The following CKMT2 variants were observed in gnomAD, a reference collection of about 807,000 sequenced individuals.
CKMT2 encodes the protein creatine kinase, mitochondrial 2.
In CKMT2, 43 loss-of-function variants were observed where a neutral mutation model predicts 48.9. The observed-to-expected ratio is 0.88, with a 90% confidence interval of 0.69 to 1.13. The LOEUF is 1.13. Among genes scored for constraint, CKMT2 ranks in the 50% most tolerant of loss-of-function variants. The pLI is 0.00. For synonymous variants in CKMT2, 206 were observed against 213.0 expected (o/e 0.97, Z 0.29); for missense variants, 472 against 555.4 (o/e 0.85, Z 1.51).
chr5:81,252,718 A>C lies in CKMT2; in HGVS notation c.176A>C (p.Lys59Thr). 1 of 1,614,162 alleles carries C rather than the reference A, an allele frequency of 6.2e-7. No individual in the cohort carries two copies. The highest frequency in any genetic ancestry group is 1.3e-5 in the African/African-American group (1 of 75,050). Reference sequence around the variant, plus strand: ...AGCGCAGACTACCCAGACCTGCGCAAGCACAACAACTGCATGGCCGAGTGC... The same window carrying C: ...AGCGCAGACTACCCAGACCTGCGCACGCACAACAACTGCATGGCCGAGTGC... ...PPSADYPDLR[K>T]HNNCMAECLT... The change falls in exon 3 of 10, where the codon AAG (lysine) becomes ACG (threonine). Residue 59 changes from lysine to threonine, a missense_variant. Physicochemically the swap from Lys to Thr is moderately conservative, Grantham distance 78 (BLOSUM62 -1). Coordinates refer to ENST00000254035, the MANE Select transcript of CKMT2 (RefSeq NM_001099735.2).
At chr5:81,256,239 G>C (rs1757004748) in intron 5 of CKMT2, among the ~76,000 whole-genome samples, 1 of 151,848 alleles carries the variant, frequency 6.6e-6, no homozygotes, top group South Asian at 2.1e-4. Context: ...TAAAGGCATA[G>C]GCTTGGGAGT....
At chr5:81,242,456 G>C (rs763588937) in intron 1 of CKMT2, 143 of 513,780 alleles carry the variant, frequency 2.8e-4, no homozygotes, top group Non-Finnish European at 4.9e-4. Context: ...CAATTTTACA[G>C]AGGTCGCCTA....
chr5:81,263,623 T>C lies in CKMT2; in HGVS notation c.1140+7T>C. Reference sequence around the variant, plus strand: ...TAGAATTGGTCGATCAGAGGTAACGTCTCTCTCACTTTCCTAACATGAACT... The same window carrying C: ...TAGAATTGGTCGATCAGAGGTAACGCCTCTCTCACTTTCCTAACATGAACT... On this transcript the variant is annotated splice_region_variant and intron_variant, in intron 9 of 9. Transcript: ENST00000254035. 1 of 1,607,682 alleles carries C rather than the reference T, an allele frequency of 6.2e-7. No homozygotes were observed. The highest frequency in any genetic ancestry group is 1.1e-5 in the South Asian group (1 of 90,646).
In CKMT2 at chr5:81,263,621, C is replaced by G. The variant is rs758937501; in HGVS notation, c.1140+5C>G. On this transcript the variant is annotated splice_donor_5th_base_variant and intron_variant, in intron 9 of 9. Coordinates refer to ENST00000254035, the MANE Select transcript of CKMT2 (RefSeq NM_001099735.2). ...GATAGAATTGGTCGATCAGAGGTAACGTCTCTCTCACTTTCCTAACATGAA... is the reference window on the plus strand; with the variant it reads ...GATAGAATTGGTCGATCAGAGGTAAGGTCTCTCTCACTTTCCTAACATGAA... The G allele has an allele frequency of 1.2e-6, 2 of 1,608,322 alleles. No individual in the cohort carries two copies. Among genetic ancestry groups the G allele is most frequent in the Non-Finnish European group, 1.7e-6 (2 of 1,176,362 alleles).
intron 5 of CKMT2, 57 bp downstream of exon 5, chr5:81,255,271 C>A: frequency 6.7e-7 from 1 of 1,486,122 alleles, no homozygotes; most frequent in Non-Finnish European, 9.3e-7. Context: ...CTGACCCGCA[C>A]AGGAAGGCCT....
At chr5:81,257,291 G>C (rs1050936249) in intron 6 of CKMT2, among the ~76,000 whole-genome samples, 2 of 152,118 alleles carry the variant, frequency 1.3e-5, no homozygotes, top group African/African-American at 2.4e-5. Context: ...CTGCTCTGTA[G>C]GGATGGACAG....
At chr5:81,233,946 TACTA>T (rs1273536254) in intron 1 of CKMT2, among the ~76,000 whole-genome samples, 2 of 145,420 alleles carry the variant, frequency 1.4e-5, no homozygotes, top group African/African-American at 5.2e-5. Context: ...CCGTCACTAA[TACTA>T]ACACATTGAT....
At chr5:81,262,757 G>A (rs531512310) in intron 8 of CKMT2, among the ~76,000 whole-genome samples, 16 of 152,314 alleles carry the variant, frequency 1.1e-4, no homozygotes, top group East Asian at 1.9e-4. Flanking sequence ...AACCATTATG[G>A]AAGACAGTGT....
chr5:81,240,439 C>A (rs182826011), intron 1 of CKMT2, among the ~76,000 whole-genome samples: 97 of 152,368 alleles, frequency 6.4e-4, no homozygotes, highest in African/African-American at 2.3e-3. Flanking sequence ...ACGGCATCCA[C>A]AGTCCTCCAT....
At chr5:81,235,326 G>A (rs1756213861) in intron 1 of CKMT2, among the ~76,000 whole-genome samples, 2 of 152,210 alleles carry the variant, frequency 1.3e-5, no homozygotes, top group African/African-American at 4.8e-5. Context: ...AGAACTGGGA[G>A]GAGACAGGCA....
intron 1 of CKMT2, among the ~76,000 whole-genome samples, chr5:81,234,315 G>C (rs1031657655): frequency 6.6e-6 from 1 of 152,188 alleles, no homozygotes; most frequent in African/African-American, 2.4e-5. Context: ...TCAAGTGAGG[G>C]GCAGTTAGTG....
chr5:81,241,622 C>A lies in CKMT2; in HGVS notation c.-21+8245C>A, dbSNP rs544927570. Among the ~76,000 whole-genome samples, 4 of 152,318 alleles carry A rather than the reference C, an allele frequency of 2.6e-5. No individual in the cohort carries two copies. The East Asian group carries it at 7.7e-4, about 29-fold the overall frequency. ...TTTTGATAAAGGCAATTAGCGAACA[C>A]AAATGGTCACCAGGTGAATTTAGGA... is the stretch of plus-strand genomic sequence containing the variant. On this transcript the variant is annotated intron_variant, in intron 1 of 9. Transcript: ENST00000254035.
chr5:81,254,845 G>A (rs1367514140), intron 4 of CKMT2, 148 bp from the exon 5 acceptor site: 19 of 695,746 alleles, frequency 2.7e-5, no homozygotes, highest in Admixed American at 5.4e-5. Context: ...CAAGACTTCC[G>A]GAATGTGTCC....
At chr5:81,235,541 C>A (rs1416562088) in intron 1 of CKMT2, among the ~76,000 whole-genome samples, 1 of 152,180 alleles carries the variant, frequency 6.6e-6, no homozygotes, top group Non-Finnish European at 1.5e-5. Flanking sequence ...AGAAATAAAT[C>A]TGAGTCAGCA....
At chr5:81,233,476 C>CG in intron 1 of CKMT2, 99 bp downstream of exon 1, 1 of 851,170 alleles carries the variant, frequency 1.2e-6, no homozygotes, top group Non-Finnish European at 1.4e-6. Flanking sequence ...GGGCTGTAGA[C>CG]GGGGACCCCG....
intron 1 of CKMT2, chr5:81,245,472 T>C (rs4704710): frequency 0.19 from 29,426 of 152,248 alleles, 3,065 homozygotes; most frequent in Admixed American, 0.28. Flanking sequence ...TGGTTCCCTC[T>C]CTCCTTTCCT....
chr5:81,265,266 T>TGTTTTAGTTAG (rs1757349319), intron 9 of CKMT2, among the ~76,000 whole-genome samples: 1 of 152,158 alleles, frequency 6.6e-6, no homozygotes, highest in Non-Finnish European at 1.5e-5. Context: ...AGAAAATATG[T>TGTTTTAGTTAG]GTTTTAGTTA....
chr5:81,252,603 G>T, intron 2 of CKMT2, 92 bp from the exon 3 acceptor site: 1 of 1,304,278 alleles, frequency 7.7e-7, no homozygotes, highest in African/African-American at 1.4e-5. Context: ...GCTGAAGGGA[G>T]CCTAGTGGAA....
At chr5:81,244,667 T>C (rs1417388155) in intron 1 of CKMT2, 2 of 152,178 alleles carry the variant, frequency 1.3e-5, no homozygotes, top group Non-Finnish European at 2.9e-5. Flanking sequence ...TGATGACACA[T>C]GAGGGTATCA....
Sources: gnomAD v4.1 joint callset for allele counts (sites outside exome capture counted in the v4.1 genomes callset) on GRCh38, gnomAD v4.1.1 for gene constraint, MANE v1.5 for transcripts, NCBI Gene and HGNC (gene_info 2026-07-23, HGNC 2026-07-21) for gene names.